Variants in ARHGEF10 observed in about 807,000 individuals in gnomAD.
ARHGEF10 encodes Rho guanine nucleotide exchange factor (GEF) 10.
A neutral mutation model predicts 147.4 loss-of-function variants in ARHGEF10; 140 were observed. The observed-to-expected ratio is 0.95, with a 90% CI of 0.83 to 1.09. The LOEUF (loss-of-function observed/expected upper bound fraction) is 1.09, where lower values mean the gene tolerates loss of function less well. ARHGEF10 is among the 50% of genes least tolerant of loss of function. ARHGEF10 has a pLI of 0.00. For synonymous variants in ARHGEF10, 902 were observed against 695.8 expected (o/e 1.30, Z -4.67); for missense variants, 2,222 against 1,752.7 (o/e 1.27, Z -4.78).
rs148335618 is a variant in ARHGEF10, at chr8:1,908,032, C to T, written c.1968-1263C>T. ...ACAGTCTAATTCACGGAACACAACC[C>T]ATCTTTCCTCTTACTGTGTCTGAAT... On this transcript the variant is annotated intron_variant, in intron 17 of 28. Transcript: ENST00000349830. Among the ~76,000 whole-genome samples, 209 of 152,160 alleles carry T rather than the reference C, an allele frequency of 1.4e-3. No individual in the cohort carries two copies. The East Asian group carries it at 0.014, about 10-fold the overall frequency.
intron 27 of ARHGEF10, 36 bp downstream of exon 27, chr8:1,945,691 C>A (rs1220155243): frequency 6.2e-7 from 1 of 1,612,372 alleles, no homozygotes; most frequent in African/African-American, 1.3e-5. Context: ...GATGGGACAG[C>A]AACCGGGGAC....
chr8:1,882,344 G>A (rs557498562), intron 9 of ARHGEF10, among the ~76,000 whole-genome samples: 1 of 152,306 alleles, frequency 6.6e-6, no homozygotes, highest in South Asian at 2.1e-4. Context: ...GTGCATGTTA[G>A]TGACTCACCT....
At chr8:1,857,886 C>CTATT (rs1250244489) in intron 2 of ARHGEF10, 74 bp from the exon 3 acceptor site, 2 of 904,844 alleles carry the variant, frequency 2.2e-6, no homozygotes, top group Non-Finnish European at 3.4e-6. Flanking sequence ...ATCGATCTAT[C>CTATT]TATCTATCTA....
chr8:1,844,358 A>AGAGACGGGAG (rs1467626738), intron 2 of ARHGEF10, among the ~76,000 whole-genome samples: 4 of 152,182 alleles, frequency 2.6e-5, no homozygotes, highest in Non-Finnish European at 2.9e-5. Context: ...GGTAGATGAC[A>AGAGACGGGAG]AAGACAGGAG....
At chr8:1,913,980 G>A (rs1025132073) in intron 18 of ARHGEF10, among the ~76,000 whole-genome samples, 8 of 152,206 alleles carry the variant, frequency 5.3e-5, no homozygotes, top group African/African-American at 1.9e-4. Flanking sequence ...CGCGGAAAGG[G>A]TCGTGGGTGA....
chr8:1,927,618 A>G lies in ARHGEF10; in HGVS notation c.2698-809A>G, dbSNP rs1465995648. 5 of 152,416 alleles carry G rather than the reference A, an allele frequency of 3.3e-5. No individual in the cohort carries two copies. The East Asian group carries it at 9.6e-4, about 29-fold the overall frequency. 9.4% of individuals were successfully genotyped at this position (152,416 alleles called of 1,614,324 possible). A position where few individuals can be genotyped will look rare whatever the true frequency, so the allele number is the denominator to read the frequency against. On this transcript the variant is annotated intron_variant, in intron 23 of 28. Coordinates refer to ENST00000349830, the MANE Select transcript of ARHGEF10 (RefSeq NM_014629.4). ...TCATGTACACTGTTGCAGCAATGCT[A>G]CTTTAGAAATTCCACGGCAGGCGTG... is the stretch of plus-strand genomic sequence containing the variant.
chr8:1,929,221 A>G (rs1812918786), intron 24 of ARHGEF10, 65 bp from the exon 25 acceptor site: 13 of 1,547,780 alleles, frequency 8.4e-6, no homozygotes, highest in Non-Finnish European at 9.8e-6. Context: ...GTTTATGTTA[A>G]CAGGCACCCT....
intron 2 of ARHGEF10, among the ~76,000 whole-genome samples, chr8:1,853,706 G>C (rs1237829276): frequency 6.6e-6 from 1 of 152,208 alleles, no homozygotes; most frequent in African/African-American, 2.4e-5. Flanking sequence ...GAGCCTCCTG[G>C]GTTGCAGGCC....
At chr8:1,881,475 C>G (rs1290461579) in intron 9 of ARHGEF10, among the ~76,000 whole-genome samples, 1 of 152,032 alleles carries the variant, frequency 6.6e-6, no homozygotes, top group Non-Finnish European at 1.5e-5. Context: ...CGGCATCGGG[C>G]GGGAGGCAGG....
chr8:1,953,898 G>A (rs1242238024), intron 28 of ARHGEF10, among the ~76,000 whole-genome samples: 1 of 152,118 alleles, frequency 6.6e-6, no homozygotes. Context: ...CTGTTCCTAC[G>A]GGCTCCATTT....
intron 27 of ARHGEF10, among the ~76,000 whole-genome samples, chr8:1,950,628 G>A (rs1254817525): frequency 6.6e-6 from 1 of 151,750 alleles, no homozygotes; most frequent in Non-Finnish European, 1.5e-5. Flanking sequence ...CGCCTCCCGG[G>A]TTCAAGCAAT....
chr8:1,925,438 G>T, intron 22 of ARHGEF10, 34 bp downstream of exon 22: 2 of 1,612,354 alleles, frequency 1.2e-6, no homozygotes, highest in African/African-American at 1.3e-5. Flanking sequence ...CCCGGGGTGG[G>T]ACGCACCTCG....
At chr8:1,921,505 A>C (rs1030683999) in intron 18 of ARHGEF10, among the ~76,000 whole-genome samples, 6 of 152,188 alleles carry the variant, frequency 3.9e-5, no homozygotes, top group Non-Finnish European at 7.3e-5. Context: ...AGGCGGGTGG[A>C]TCACCTGAGG....
chr8:1,891,886 C>G (rs949161854), intron 11 of ARHGEF10, among the ~76,000 whole-genome samples: 1 of 151,402 alleles, frequency 6.6e-6, no homozygotes, highest in Non-Finnish European at 1.5e-5. Flanking sequence ...ATACCTATTC[C>G]AGATCTTTTG....
At chr8:1,835,587 C>T (rs1259230210) in intron 1 of ARHGEF10, among the ~76,000 whole-genome samples, 2 of 152,222 alleles carry the variant, frequency 1.3e-5, no homozygotes, top group Non-Finnish European at 2.9e-5. Context: ...GGAATGGTGC[C>T]TGTGGAACGT....
chr8:1,937,608 C>A lies in ARHGEF10; in HGVS notation c.3222+3666C>A, dbSNP rs977408144. ...TTAGAAAGAAGCAAAAATCTGCTCT[C>A]TGAAAACATGATATTCATCCTGTCG... On this transcript the variant is annotated intron_variant, in intron 26 of 28. Transcript: ENST00000349830. The surrounding 1 kb of genome is among the most constrained non-coding windows in gnomAD (Gnocchi z 4.9). 1.3e-5 allele frequency among the ~76,000 whole-genome samples: 2 copies of A among 152,222 alleles called. No individual in the cohort carries two copies. Among genetic ancestry groups the A allele is most frequent in the Non-Finnish European group, 2.9e-5 (2 of 68,038 alleles).
rs1379355313 is a variant in ARHGEF10, at chr8:1,937,823, G to A, written c.3222+3881G>A. On this transcript the variant is annotated intron_variant, in intron 26 of 28. Coordinates refer to ENST00000349830, the MANE Select transcript of ARHGEF10 (RefSeq NM_014629.4). This position sits in a 1 kb window ranked among gnomAD's most constrained non-coding sequence, Gnocchi z 4.9. ...TGGGAGCTGCATGTGATCTGGGCTT[G>A]GGTTGAGCGGGTTGGGAGATGCTAG... Among the ~76,000 whole-genome samples the A allele has an allele frequency of 6.6e-6, 1 of 152,216 alleles. No individual in the cohort carries two copies. Among genetic ancestry groups the A allele is most frequent in the Non-Finnish European group, 1.5e-5 (1 of 68,044 alleles).
chr8:1,866,490 C>T, intron 5 of ARHGEF10, 36 bp from the exon 6 acceptor site: 3 of 1,606,888 alleles, frequency 1.9e-6, no homozygotes, highest in Non-Finnish European at 2.6e-6. Context: ...TGGGCTGTGC[C>T]TGGATATTCT....
chr8:1,952,534 A>T (rs756830674), intron 27 of ARHGEF10, among the ~76,000 whole-genome samples, 171 bp from the exon 28 acceptor site: 2 of 152,174 alleles, frequency 1.3e-5, no homozygotes, highest in African/African-American at 2.4e-5. Flanking sequence ...TGTCTTGCTC[A>T]TGTGGTTGAG....
Sources: gnomAD v4.1 joint callset for allele counts (sites outside exome capture counted in the v4.1 genomes callset) on GRCh38, gnomAD v4.1.1 for gene constraint, Gnocchi (gnomAD v3.1) non-coding constraint, MANE v1.5 for transcripts, NCBI Gene and HGNC (gene_info 2026-07-23, HGNC 2026-07-21) for gene names.